Variants in TUBD1 observed in about 807,000 individuals in gnomAD.
TUBD1 encodes the protein tubulin delta 1, also known as tubulin delta chain.
In TUBD1, 38 loss-of-function variants were observed where a neutral mutation model predicts 51.2. That is an observed-to-expected ratio of 0.74 (90% confidence interval 0.57 to 0.97). TUBD1 has a LOEUF of 0.97. Among genes scored for constraint, TUBD1 ranks in the 50% least tolerant of loss-of-function variants. TUBD1 has a pLI of 0.00. For missense variants in TUBD1, 489 were observed against 538.4 expected (o/e 0.91, Z 0.91); for synonymous variants, 169 against 178.2 (o/e 0.95, Z 0.41).
rs150611745 is a variant in TUBD1, at chr17:59,871,459, A to C, written c.934+3080T>G. ...ATGTTTCACCTGCCTTGGCCTCCCA[A>C]AGTGCTGGGATTACAGGTGTGAGCC... On this transcript the variant is annotated intron_variant, in intron 6 of 8. Transcript: ENST00000325752. Among the ~76,000 whole-genome samples, 366 of 152,234 alleles carry C rather than the reference A, an allele frequency of 2.4e-3. 1 individual carries two copies. The highest frequency in any genetic ancestry group is 8.5e-3 in the African/African-American group (354 of 41,554).
rs1379740934 is a variant in TUBD1, at chr17:59,886,210, G to C, written c.193C>G (p.Leu65Val). 4 of 1,610,250 alleles carry C rather than the reference G, an allele frequency of 2.5e-6. No homozygotes were observed. In the African/African-American group the frequency reaches 4.1e-5, roughly 16 times the overall value. The change falls in exon 3 of 9, where the codon CTT becomes GTT. Residue 65 changes from leucine (L) to valine (V), a missense_variant. By Grantham distance (32) the Leu-to-Val change is conservative. Transcript: ENST00000325752. ...ATAACTTTGGGTTCCATGTCAACAAGAACAGCCCGGGCAATTGGAACTAGA... is the reference window on the plus strand; with the variant it reads ...ATAACTTTGGGTTCCATGTCAACAACAACAGCCCGGGCAATTGGAACTAGA... ...ENGVPIARAV[L>V]VDMEPKVINQ...
In TUBD1 at chr17:59,886,240, GA is replaced by G. The variant is rs762651140; in HGVS notation, c.173-11del. On this transcript the variant is annotated splice_polypyrimidine_tract_variant and intron_variant, in intron 2 of 8. Transcript: ENST00000325752. ...GCCCGGGCAATTGGAACTAGAGGGG[GA>G]AAAAAACCCAAAAACATCGAAAGAA... is the stretch of plus-strand genomic sequence containing the variant. The G allele has an allele frequency of 3.0e-5, 46 of 1,557,018 alleles. No homozygotes were observed. The highest frequency in any genetic ancestry group is 4.2e-5 in the African/African-American group (3 of 70,694).
In TUBD1 at chr17:59,878,095, A is replaced by C. The variant is rs2144520710; in HGVS notation, c.769+8T>G. 6.2e-7 allele frequency: 1 copy of C among 1,608,510 alleles called. No individual in the cohort carries two copies. The highest frequency in any genetic ancestry group is 1.3e-5 in the African/African-American group (1 of 74,922). On this transcript the variant is annotated splice_region_variant and intron_variant, in intron 5 of 8. Transcript: ENST00000325752. The stretch of plus-strand genomic sequence containing the variant: ...TTTCCTATAATTAACGTATAGAGGG[A>C]CAAATACCTAGTGGATTTCGTCTGT...
intron 2 of TUBD1, among the ~76,000 whole-genome samples, chr17:59,889,010 CTTTTTTTTTTT>C (rs756097623): frequency 1.6e-4 from 9 of 55,778 alleles, no homozygotes; most frequent in Non-Finnish European, 2.2e-4. Flanking sequence ...CCATGCCTGG[CTTTTTTTTTTT>C]TTTTTTTTTT....
intron 6 of TUBD1, among the ~76,000 whole-genome samples, chr17:59,869,279 G>T (rs537774269): frequency 6.7e-6 from 1 of 150,262 alleles, no homozygotes; most frequent in African/African-American, 2.4e-5. Context: ...TTCAAGACCA[G>T]CCTGGCCAAT....
intron 8 of TUBD1, among the ~76,000 whole-genome samples, chr17:59,861,046 A>G (rs1017521741): frequency 2.0e-5 from 3 of 152,068 alleles, no homozygotes; most frequent in African/African-American, 7.2e-5. Flanking sequence ...TAAACTCTGA[A>G]AAGTGCCTGA....
At chr17:59,885,542 A>G (rs2144562723) in intron 3 of TUBD1, 2 of 1,499,178 alleles carry the variant, frequency 1.3e-6, no homozygotes, top group Non-Finnish European at 1.9e-6. Flanking sequence ...TCGGTGGTTC[A>G]CTACTAGATC....
At chr17:59,883,757 TG>T (rs1181539791) in intron 3 of TUBD1, among the ~76,000 whole-genome samples, 4 of 151,756 alleles carry the variant, frequency 2.6e-5, no homozygotes, top group Non-Finnish European at 5.9e-5. Flanking sequence ...CTCCCTTTGT[TG>T]CCTAGGGTGG....
chr17:59,860,509 T>C, intron 8 of TUBD1, 85 bp from the exon 9 acceptor site: 5 of 797,390 alleles, frequency 6.3e-6, no homozygotes, highest in South Asian at 1.6e-5. Context: ...ACAGACCTTT[T>C]CTAGCTGATG....
intron 8 of TUBD1, among the ~76,000 whole-genome samples, chr17:59,862,616 T>C (rs976939206): frequency 2.0e-5 from 3 of 151,394 alleles, no homozygotes; most frequent in African/African-American, 7.3e-5. Context: ...CTCGGCTCTC[T>C]GCAACCTCCA....
At chr17:59,869,136 T>C (rs2039858783) in intron 6 of TUBD1, among the ~76,000 whole-genome samples, 1 of 151,966 alleles carries the variant, frequency 6.6e-6, no homozygotes, top group Non-Finnish European at 1.5e-5. Flanking sequence ...TATTCATACA[T>C]GTGTATGAAA....
At position 59,878,218 on chromosome 17, in the gene TUBD1, A is replaced by G. The variant is rs560061499; in HGVS notation, c.654T>C (p.Asn218=). 8 of 1,614,122 alleles carry G rather than the reference A, an allele frequency of 5.0e-6. No individual in the cohort carries two copies. The East Asian group carries it at 1.8e-4, about 36-fold the overall frequency. ...TATCACTAAAGGAGATCTGCTTGAT[A>G]TTCATCAGTTTTGCACAGATCTTAT... ...AIHKICAKLM[N]IKQISFSDIN... is the part of the protein sequence containing the mutation. The change falls in exon 5 of 9, where the codon AAT becomes AAC. Residue 218 remains asparagine, a synonymous_variant. Transcript: ENST00000325752.
At chr17:59,862,046 G>A (rs1352728804) in intron 8 of TUBD1, among the ~76,000 whole-genome samples, 2 of 151,482 alleles carry the variant, frequency 1.3e-5, no homozygotes, top group Admixed American at 1.3e-4. Flanking sequence ...ATAGGTGGCT[G>A]GGCACAGTGG....
At chr17:59,885,489 T>C (rs2040681396) in intron 3 of TUBD1, 1 of 1,577,346 alleles carries the variant, frequency 6.3e-7, no homozygotes, top group Non-Finnish European at 8.7e-7. Context: ...CTTACAATAA[T>C]CTGTACCTGG....
chr17:59,863,960 T>A, intron 7 of TUBD1, 113 bp from the exon 8 acceptor site: 1 of 1,005,652 alleles, frequency 9.9e-7, no homozygotes, highest in African/African-American at 1.7e-5. Flanking sequence ...TTTTGCCTTT[T>A]AAAACTTGTG....
In TUBD1 at chr17:59,860,023, T is replaced by TA. The variant is rs2039363643; in HGVS notation, c.*298_*299insT. 1 of 173,508 alleles carries TA rather than the reference T, an allele frequency of 5.8e-6. No individual in the cohort carries two copies. Among genetic ancestry groups the TA allele is most frequent in the Non-Finnish European group, 1.2e-5 (1 of 83,266 alleles). The allele number at this position is 173,508 out of a possible 1,614,324, so 10.7% of individuals were successfully genotyped here. On this transcript the variant is annotated 3_prime_UTR_variant, in exon 9 of 9. Transcript: ENST00000325752. The stretch of plus-strand genomic sequence containing the variant: ...GGAACTTTGAAAACATTTTTTTTTT[T>TA]TTTTTTTTTTGAGACGGAGTCTCGC...
chr17:59,891,133 G>C, intron 1 of TUBD1, 92 bp from the exon 2 acceptor site: 3 of 709,774 alleles, frequency 4.2e-6, no homozygotes, highest in South Asian at 4.0e-5. Context: ...TCAATAAAAA[G>C]TCTTTTTTCC....
At chr17:59,869,107 TATATATTTATTC>T (rs2039857643) in intron 6 of TUBD1, among the ~76,000 whole-genome samples, 1 of 151,902 alleles carries the variant, frequency 6.6e-6, no homozygotes, top group African/African-American at 2.4e-5. Flanking sequence ...GTGCCATATA[TATATATTTATTC>T]ATATACTATT....
At chr17:59,887,959 G>C (rs1473992196) in intron 2 of TUBD1, among the ~76,000 whole-genome samples, 2 of 150,380 alleles carry the variant, frequency 1.3e-5, no homozygotes, top group Non-Finnish European at 3.0e-5. Context: ...TTTTGAGATG[G>C]AGTCTCGCTC....
Sources: gnomAD v4.1 joint callset for allele counts (sites outside exome capture counted in the v4.1 genomes callset) on GRCh38, gnomAD v4.1.1 for gene constraint, MANE v1.5 for transcripts, NCBI Gene and HGNC (gene_info 2026-07-23, HGNC 2026-07-21) for gene names.